EFHC2: variants seen among roughly 807,000 people sequenced by gnomAD.
EFHC2 encodes the protein EF-hand domain-containing family member C2.
Under a neutral mutation model 52.7 loss-of-function variants are expected in EFHC2, and 18 were observed. That is an observed-to-expected ratio of 0.34 (90% CI 0.24 to 0.51). The LOEUF (loss-of-function observed/expected upper bound fraction) is 0.51, where lower values mean the gene tolerates loss of function less well. EFHC2 is among the 20% of genes least tolerant of loss of function. EFHC2 has a pLI of 0.97. For synonymous variants in EFHC2, 203 were observed against 204.1 expected (o/e 0.99, Z 0.04); for missense variants, 513 against 562.5 (o/e 0.91, Z 0.89).
At chrX:44,318,356 T>C (rs1434454380) in intron 1 of EFHC2, among the ~76,000 whole-genome samples, 1 of 111,883 alleles carries the variant, frequency 8.9e-6, no homozygotes, top group Non-Finnish European at 1.9e-5. Context: ...GGCAGATTAA[T>C]GGTTGGCAGG....
At chrX:44,218,105 C>G (rs928665771) in intron 11 of EFHC2, among the ~76,000 whole-genome samples, 23 of 111,672 alleles carry the variant, frequency 2.1e-4, no homozygotes, top group African/African-American at 6.5e-4. Context: ...ACTGTTGAAG[C>G]AATCTTTGGA....
chrX:44,222,520 G>C (rs2037201821), intron 11 of EFHC2, among the ~76,000 whole-genome samples: 2 of 111,990 alleles, frequency 1.8e-5, no homozygotes, highest in South Asian at 7.5e-4. Context: ...ACTCAGAAAA[G>C]TTCATCAGAG....
intron 11 of EFHC2, among the ~76,000 whole-genome samples, chrX:44,197,289 GTTCA>G (rs762126012): frequency 4.2e-4 from 47 of 111,182 alleles, no homozygotes; most frequent in East Asian, 8.5e-4. Context: ...ACCTTTGTTC[GTTCA>G]TTCATTCATT....
intron 11 of EFHC2, among the ~76,000 whole-genome samples, chrX:44,225,250 T>TAAAA (rs200993815): frequency 1.0e-5 from 1 of 95,366 alleles, no homozygotes; most frequent in South Asian, 5.0e-4. Flanking sequence ...ATAAAAAAAT[T>TAAAA]AAAAAAAAAA....
At chrX:44,248,996 G>A (rs2037421965) in intron 5 of EFHC2, 80 bp from the exon 6 acceptor site, 1 of 571,954 alleles carries the variant, frequency 1.7e-6, no homozygotes, top group African/African-American at 2.3e-5. Flanking sequence ...CTGGCATAGA[G>A]GTGGCACTCA....
At chrX:44,262,083 A>G (rs1602183818) in intron 3 of EFHC2, among the ~76,000 whole-genome samples, 1 of 111,080 alleles carries the variant, frequency 9.0e-6, no homozygotes, top group East Asian at 2.8e-4. Flanking sequence ...GGTCCCACGT[A>G]TATCCAAAAG....
intron 7 of EFHC2, among the ~76,000 whole-genome samples, chrX:44,247,545 C>G (rs780124970): frequency 4.2e-4 from 47 of 111,597 alleles, no homozygotes; most frequent in African/African-American, 1.5e-3. Flanking sequence ...CAGCAGGTAC[C>G]TGGAGCCTCA....
Position 44,232,527 on chromosome X carries a change from T to A in EFHC2, c.1574A>T (p.Asn525Ile). The part of the protein sequence containing the change: ...NVNGYLFRLL[N>I]ADEYTLNYME... ...GTAGTTTAAGGTATACTCATCAGCA[T>A]TGAGCAAACGAAATAGGTAACCATT... The change falls in exon 10 of 15, where the codon AAT becomes ATT. Residue 525 changes from asparagine to isoleucine, a missense_variant. Transcript: ENST00000420999. 8.5e-7 allele frequency: 1 copy of A among 1,180,628 alleles called. No individual in the cohort carries two copies. The highest frequency in any genetic ancestry group is 1.1e-6 in the Non-Finnish European group (1 of 878,907).
chrX:44,203,060 C>T (rs1392380737), intron 11 of EFHC2, among the ~76,000 whole-genome samples: 1 of 111,714 alleles, frequency 9.0e-6, no homozygotes, highest in Non-Finnish European at 1.9e-5. Context: ...TTTCCGGTGG[C>T]TCCATTCCCC....
chrX:44,185,261 C>T (rs2147284467), intron 11 of EFHC2, among the ~76,000 whole-genome samples: 1 of 111,903 alleles, frequency 8.9e-6, no homozygotes, highest in Non-Finnish European at 1.9e-5. Flanking sequence ...TTGTTTTAAA[C>T]AGTCATATTC....
intron 13 of EFHC2, among the ~76,000 whole-genome samples, chrX:44,168,536 G>GAA (rs138015039): frequency 1.9e-4 from 16 of 84,964 alleles, no homozygotes; most frequent in African/African-American, 4.2e-4. Context: ...CGTCTCAAAA[G>GAA]AAAAAAAAAA....
chrX:44,284,666 C>G (rs1462282565), intron 2 of EFHC2: 1 of 111,645 alleles, frequency 9.0e-6, no homozygotes, highest in Non-Finnish European at 1.9e-5. Flanking sequence ...TGTTAATCCT[C>G]CTGAGAAATT....
intron 11 of EFHC2, among the ~76,000 whole-genome samples, chrX:44,227,510 C>A (rs144751949): frequency 9.0e-6 from 1 of 110,758 alleles, no homozygotes; most frequent in East Asian, 2.9e-4. Flanking sequence ...AAACTAGAAC[C>A]CCCAGGAACA....
intron 8 of EFHC2, among the ~76,000 whole-genome samples, chrX:44,235,699 G>A (rs150289511): frequency 6.5e-4 from 73 of 112,303 alleles, no homozygotes; most frequent in African/African-American, 2.2e-3. Context: ...CAAAACAAAC[G>A]TCATAAACAC....
At chrX:44,217,286 G>GT (rs894509784) in intron 11 of EFHC2, among the ~76,000 whole-genome samples, 1 of 111,722 alleles carries the variant, frequency 9.0e-6, no homozygotes, top group African/African-American at 3.3e-5. Flanking sequence ...ATGTAAATTA[G>GT]TATAACCACT....
chrX:44,182,535 A>G (rs1305935058), intron 11 of EFHC2, among the ~76,000 whole-genome samples: 1 of 111,821 alleles, frequency 8.9e-6, no homozygotes, highest in African/African-American at 3.3e-5. Flanking sequence ...TGCACACTCT[A>G]TTTTTGCTTA....
At chrX:44,157,185 C>T (rs545555890) in intron 14 of EFHC2, among the ~76,000 whole-genome samples, 2 of 112,020 alleles carry the variant, frequency 1.8e-5, no homozygotes, top group South Asian at 7.4e-4. Context: ...GTTGTTGACC[C>T]CTATTCTTAC....
chrX:44,166,426 G>A (rs903905457), intron 13 of EFHC2, among the ~76,000 whole-genome samples: 8 of 111,492 alleles, frequency 7.2e-5, no homozygotes, highest in Non-Finnish European at 1.3e-4. Context: ...GACTGTAGGG[G>A]CTGCTGGTTG....
intron 2 of EFHC2, chrX:44,310,187 C>T (rs894367973): frequency 2.8e-6 from 2 of 716,810 alleles, no homozygotes; most frequent in Non-Finnish European, 2.3e-6. Flanking sequence ...AGGAAGCCTC[C>T]GCCTTCTCAT....
Sources: gnomAD v4.1 joint callset for allele counts (sites outside exome capture counted in the v4.1 genomes callset) on GRCh38, gnomAD v4.1.1 for gene constraint, MANE v1.5 for transcripts, NCBI Gene and HGNC (gene_info 2026-07-23, HGNC 2026-07-21) for gene names.